Variants in ESRRB observed in about 807,000 individuals in gnomAD.
ESRRB encodes the protein estrogen related receptor beta.
ESRRB carries 16 observed loss-of-function variants against 46.0 expected under a neutral mutation model. That is an observed-to-expected ratio of 0.35 (90% CI 0.24 to 0.53). The LOEUF (loss-of-function observed/expected upper bound fraction) is 0.53, where lower values mean the gene tolerates loss of function less well. Among genes scored for constraint, ESRRB ranks in the 20% least tolerant of loss-of-function variants. ESRRB has a pLI of 0.93. For missense variants in ESRRB, 488 were observed against 607.4 expected, an observed-to-expected ratio of 0.80 and a Z score of 2.07; for synonymous variants, 246 against 259.6, an observed-to-expected ratio of 0.95 and a Z score of 0.50.
intron 1 of ESRRB, among the ~76,000 whole-genome samples, chr14:76,377,497 T>C (rs367843565): frequency 2.3e-3 from 351 of 151,990 alleles, no homozygotes; most frequent in African/African-American, 8.1e-3. Context: ...TGCAAAGTGG[T>C]CCCTCGGAAG....
At chr14:76,439,869 G>A (rs1252863687) in intron 2 of ESRRB, 119 bp downstream of exon 2, 4 of 1,115,692 alleles carry the variant, frequency 3.6e-6, no homozygotes, top group East Asian at 2.5e-5. Flanking sequence ...TGTTGGAGCG[G>A]TACTTCTGTG....
rs1884416276 is a variant in ESRRB, at chr14:76,358,339, GAAAGAAAGAAAGAAA to G, written c.2+47424_2+47438del. Among the ~76,000 whole-genome samples, 2 of 16,486 alleles carry G rather than the reference GAAAGAAAGAAAGAAA, an allele frequency of 1.2e-4. 1 individual carries two copies. The highest frequency in any genetic ancestry group is 2.1e-4 in the Non-Finnish European group (2 of 9,596). 10.8% of individuals were successfully genotyped at this position (16,486 alleles called of 152,430 possible). A position where few individuals can be genotyped will look rare whatever the true frequency, so the allele number is the denominator to read the frequency against. On this transcript the variant is annotated intron_variant, in intron 1 of 6. Transcript: ENST00000512784. ...AAAAAAAAAAAAAGAAAGAAAGAAA[GAAAGAAAGAAAGAAA>G]GAAAGAAAGAAAGAAAGAAAGAAAG...
chr14:76,350,965 A>G (rs935688230), intron 1 of ESRRB, among the ~76,000 whole-genome samples: 1 of 152,174 alleles, frequency 6.6e-6, no homozygotes, highest in Non-Finnish European at 1.5e-5. Flanking sequence ...CCTCTGCCAG[A>G]TGAATACACC....
chr14:76,342,938 A>G (rs1444565854), intron 1 of ESRRB, among the ~76,000 whole-genome samples: 1 of 152,184 alleles, frequency 6.6e-6, no homozygotes, highest in Non-Finnish European at 1.5e-5. Flanking sequence ...GTAAGCAAAG[A>G]ATGAGATCAT....
chr14:76,326,830 C>G (rs759152674), intron 1 of ESRRB, among the ~76,000 whole-genome samples: 6 of 152,220 alleles, frequency 3.9e-5, no homozygotes, highest in South Asian at 2.1e-4. Context: ...AAAAAAGCAC[C>G]CTTCTTGCCA....
At chr14:76,369,130 G>T (rs1446608997), upstream of ESRRB, among the ~76,000 whole-genome samples, 2 of 150,584 alleles carry the variant, frequency 1.3e-5, no homozygotes, top group Non-Finnish European at 2.9e-5. Flanking sequence ...CAGGGAGTCA[G>T]AGGTTGCAGT....
intron 1 of ESRRB, among the ~76,000 whole-genome samples, chr14:76,383,295 G>A (rs867603945): frequency 1.3e-5 from 2 of 151,630 alleles, no homozygotes; most frequent in South Asian, 2.1e-4. Context: ...TCATAAATTA[G>A]TTTTTATGTT....
chr14:76,453,945 G>A (rs1247709456), intron 2 of ESRRB, among the ~76,000 whole-genome samples: 3 of 152,012 alleles, frequency 2.0e-5, no homozygotes, highest in African/African-American at 7.3e-5. Context: ...GTAAAATAAT[G>A]GTACATCTTA....
intron 1 of ESRRB, among the ~76,000 whole-genome samples, chr14:76,392,731 C>T (rs1223490060): frequency 3.3e-5 from 5 of 152,230 alleles, no homozygotes; most frequent in Non-Finnish European, 7.3e-5. Flanking sequence ...GCCACCAGGG[C>T]CTCATCCCAG....
upstream of ESRRB, among the ~76,000 whole-genome samples, chr14:76,369,911 A>T (rs186550497): frequency 5.3e-5 from 8 of 152,348 alleles, no homozygotes; most frequent in East Asian, 1.5e-3. Flanking sequence ...TAGAATAGAC[A>T]TGAAAATGGA....
At position 76,498,491 on chromosome 14, in the gene ESRRB, G is replaced by T; in HGVS notation, c.*33G>T. ...GCACACGGACCAATGCCCACCTACAGACAGACAAACGGACAGACCGAGGTG... is the reference window on the plus strand; with the variant it reads ...GCACACGGACCAATGCCCACCTACATACAGACAAACGGACAGACCGAGGTG... On this transcript the variant is annotated 3_prime_UTR_variant, in exon 7 of 7. Coordinates refer to ENST00000644823, the MANE Select transcript of ESRRB (RefSeq NM_001379180.1). The T allele has an allele frequency of 6.2e-7, 1 of 1,612,842 alleles. No individual in the cohort carries two copies. The highest frequency in any genetic ancestry group is 1.1e-5 in the South Asian group (1 of 90,844).
intron 5 of ESRRB, among the ~76,000 whole-genome samples, chr14:76,490,728 G>A (rs186697893): frequency 1.3e-5 from 2 of 152,182 alleles, no homozygotes; most frequent in Admixed American, 1.3e-4. Context: ...CAGGGAGGGG[G>A]GAACTAGCAT....
chr14:76,388,836 G>C (rs765249359), intron 1 of ESRRB, among the ~76,000 whole-genome samples: 22 of 152,116 alleles, frequency 1.4e-4, no homozygotes, highest in Non-Finnish European at 2.1e-4. Context: ...CCTCTTCTCA[G>C]CTTGCATTTT....
rs866371395 is a variant in ESRRB at position 76,489,444 on chromosome 14, A to C, written c.851-2003A>C. Among the ~76,000 whole-genome samples, 112 of 26,402 alleles carry C rather than the reference A, an allele frequency of 4.2e-3. No individual in the cohort carries two copies. The Middle Eastern group carries it at 0.068, about 16-fold the overall frequency. The allele number at this position is 26,402 out of a possible 152,430, so 17.3% of individuals were successfully genotyped here. A position where few individuals can be genotyped will look rare whatever the true frequency, so the allele number is the denominator to read the frequency against. ...CTCTCCCATGCAGGGAATCTGGACA[A>C]CCACACACACACACACACACACACA... On this transcript the variant is annotated intron_variant, in intron 5 of 6. Coordinates refer to ENST00000644823, the MANE Select transcript of ESRRB (RefSeq NM_001379180.1).
chr14:76,471,456 C>T (rs1018113746), intron 3 of ESRRB, among the ~76,000 whole-genome samples: 1 of 152,186 alleles, frequency 6.6e-6, no homozygotes, highest in Non-Finnish European at 1.5e-5. Context: ...ATGGTCTACC[C>T]ACTCCCTACC....
chr14:76,323,178 C>T (rs1276153833), intron 1 of ESRRB, among the ~76,000 whole-genome samples: 7 of 152,096 alleles, frequency 4.6e-5, no homozygotes, highest in African/African-American at 7.2e-5. Flanking sequence ...CTCAGATCAC[C>T]GAAGTTAGAT....
At chr14:76,366,478 C>A (rs1214318553), upstream of ESRRB, among the ~76,000 whole-genome samples, 3 of 152,170 alleles carry the variant, frequency 2.0e-5, no homozygotes, top group Non-Finnish European at 4.4e-5. Flanking sequence ...AAAAATGGAA[C>A]TACCTGCCTC....
chr14:76,366,207 T>A (rs1053322069), intron 1 of ESRRB, among the ~76,000 whole-genome samples: 4 of 152,168 alleles, frequency 2.6e-5, no homozygotes, highest in African/African-American at 9.7e-5. Context: ...GATAAGTTGC[T>A]GGGGTGGGAA....
chr14:76,482,012 A>T lies in ESRRB; in HGVS notation c.578-4A>T. On this transcript the variant is annotated splice_region_variant and splice_polypyrimidine_tract_variant and intron_variant, in intron 3 of 6. Coordinates refer to ENST00000644823, the MANE Select transcript of ESRRB (RefSeq NM_001379180.1). The surrounding 1 kb of genome is among the most constrained non-coding windows in gnomAD (Gnocchi z 4.3). ...TGAGATCTTTTCCCTTTCCTCCCCA[A>T]TAGGTGTGCGCCTTGATCGAGTGCG... is the stretch of plus-strand genomic sequence containing the variant. 1 of 1,613,466 alleles carries T rather than the reference A, an allele frequency of 6.2e-7. No homozygotes were observed.
Sources: allele counts gnomAD v4.1 joint callset (sites outside exome capture counted in the v4.1 genomes callset), GRCh38; gene constraint gnomAD v4.1.1; non-coding constraint Gnocchi (gnomAD v3.1); transcripts MANE v1.5; gene names NCBI Gene and HGNC (gene_info 2026-07-23, HGNC 2026-07-21).